The following APBB2 variants were observed in gnomAD, a reference collection of about 807,000 sequenced individuals.
APBB2 encodes amyloid beta precursor protein binding family B member 2.
In APBB2, 38 loss-of-function variants were observed where a neutral mutation model predicts 82.5. The ratio of observed to expected loss-of-function variants is 0.46; its 90% CI spans 0.36 to 0.60. The LOEUF (loss-of-function observed/expected upper bound fraction) is 0.60. APBB2 is among the 20% of genes least tolerant of loss of function. The probability of loss-of-function intolerance (pLI) is 0.00; values close to 1 mark genes in which losing one functional copy is unlikely to be tolerated. For synonymous variants in APBB2, 341 were observed against 368.2 expected, an observed-to-expected ratio of 0.93 and a Z score of 0.85; for missense variants, 772 against 972.3, an observed-to-expected ratio of 0.79 and a Z score of 2.74.
Position 41,158,937 on chromosome 4 carries a change from T to A in APBB2, c.-416-15795A>T, listed in dbSNP as rs536898003. ...GGTGTGTCTGCCTCCTGCACCACCCTGCCTCCTAGTCTATGACCTGGGCTC... is the reference window on the plus strand; with the variant it reads ...GGTGTGTCTGCCTCCTGCACCACCCAGCCTCCTAGTCTATGACCTGGGCTC... On this transcript the variant is annotated intron_variant, in intron 1 of 17. Transcript: ENST00000508593. Among the ~76,000 whole-genome samples the A allele has an allele frequency of 2.0e-5, 3 of 152,274 alleles. No individual in the cohort carries two copies. The South Asian group carries it at 6.2e-4, about 32-fold the overall frequency.
At chr4:41,083,374 T>C (rs1186200922) in intron 3 of APBB2, among the ~76,000 whole-genome samples, 1 of 152,060 alleles carries the variant, frequency 6.6e-6, no homozygotes, top group South Asian at 2.1e-4. Context: ...GTCATTTTTT[T>C]CCACTCTAAA....
intron 1 of APBB2, among the ~76,000 whole-genome samples, chr4:41,208,143 T>C (rs1778414422): frequency 6.6e-6 from 1 of 152,236 alleles, no homozygotes; most frequent in Admixed American, 6.5e-5. Context: ...CCTCCAGTAA[T>C]GCCAGGCCTT....
rs189895811 is a variant in APBB2, at chr4:40,898,846, C to A, written c.1255-5435G>T. Among the ~76,000 whole-genome samples the A allele has an allele frequency of 1.9e-3, 151 of 79,328 alleles. 3 individuals carry two copies. In the Admixed American group the frequency reaches 0.023, roughly 12 times the overall value. 52.0% of individuals were successfully genotyped at this position (79,328 alleles called of 152,430 possible). On this transcript the variant is annotated intron_variant, in intron 10 of 17. Transcript: ENST00000508593. ...AAAAAAAAGAAAGAAAAAAGAAACA[C>A]ACACACACTCACACACACACACACA... is the stretch of plus-strand genomic sequence containing the variant.
At chr4:41,182,949 C>T (rs899515179) in intron 1 of APBB2, among the ~76,000 whole-genome samples, 11 of 152,156 alleles carry the variant, frequency 7.2e-5, no homozygotes, top group Non-Finnish European at 1.5e-5. Flanking sequence ...CAAAGCCTAA[C>T]CATACCAATG....
chr4:41,092,407 G>T (rs1742034297), intron 3 of APBB2, among the ~76,000 whole-genome samples: 1 of 152,168 alleles, frequency 6.6e-6, no homozygotes, highest in Admixed American at 6.5e-5. Context: ...TGTCAAGAAT[G>T]CAGGAGCCAA....
At chr4:40,853,917 G>A (rs985063945) in intron 12 of APBB2, among the ~76,000 whole-genome samples, 1 of 152,078 alleles carries the variant, frequency 6.6e-6, no homozygotes, top group African/African-American at 2.4e-5. Context: ...CAAGACACTC[G>A]GCATAACCTG....
chr4:40,965,981 G>C (rs1049881220), intron 6 of APBB2, among the ~76,000 whole-genome samples: 3 of 152,132 alleles, frequency 2.0e-5, no homozygotes, highest in South Asian at 4.1e-4. Flanking sequence ...AATTAATGCT[G>C]TTCTTTAGAA....
intron 1 of APBB2, among the ~76,000 whole-genome samples, chr4:41,177,988 T>C (rs1361264109): frequency 1.3e-5 from 2 of 152,188 alleles, no homozygotes; most frequent in African/African-American, 4.8e-5. Flanking sequence ...AGATTACAGA[T>C]GCTCAACCTG....
chr4:41,011,147 TG>T (rs997184457), intron 6 of APBB2, among the ~76,000 whole-genome samples: 43 of 150,208 alleles, frequency 2.9e-4, no homozygotes, highest in African/African-American at 7.7e-4. Context: ...TGATTATTAT[TG>T]TTTTTTTTTT....
chr4:41,027,615 T>C (rs752894124), intron 5 of APBB2, among the ~76,000 whole-genome samples: 2 of 152,110 alleles, frequency 1.3e-5, no homozygotes, highest in Non-Finnish European at 2.9e-5. Context: ...TCCAGTTCCT[T>C]TTATTATAAA....
At chr4:41,050,428 C>T (rs1725508115) in intron 4 of APBB2, among the ~76,000 whole-genome samples, 1 of 152,222 alleles carries the variant, frequency 6.6e-6, no homozygotes, top group African/African-American at 2.4e-5. Context: ...GGACATTCTG[C>T]TGGTGACTGA....
intron 10 of APBB2, among the ~76,000 whole-genome samples, chr4:40,933,670 G>T (rs1406056558): frequency 6.6e-6 from 1 of 152,204 alleles, no homozygotes; most frequent in East Asian, 1.9e-4. Context: ...AGGGAGATAG[G>T]GAGGTCTGGC....
intron 6 of APBB2, among the ~76,000 whole-genome samples, chr4:41,002,583 C>G (rs759778931): frequency 2.0e-5 from 3 of 152,196 alleles, no homozygotes; most frequent in Non-Finnish European, 4.4e-5. Context: ...ATGCCTTGAG[C>G]TGGAGGGGAC....
At chr4:41,090,641 G>A (rs1384089541) in intron 3 of APBB2, among the ~76,000 whole-genome samples, 1 of 152,176 alleles carries the variant, frequency 6.6e-6, no homozygotes. Flanking sequence ...TCCTTTATTA[G>A]TAGGGTGGTT....
At chr4:41,137,463 T>C (rs1409574257) in intron 2 of APBB2, among the ~76,000 whole-genome samples, 1 of 152,208 alleles carries the variant, frequency 6.6e-6, no homozygotes, top group Admixed American at 6.5e-5. Flanking sequence ...ATATTAGATT[T>C]CCATAATTAC....
chr4:40,898,457 G>A (rs1029974579), intron 10 of APBB2, among the ~76,000 whole-genome samples: 1 of 152,070 alleles, frequency 6.6e-6, no homozygotes, highest in African/African-American at 2.4e-5. Context: ...TAGAGACGGG[G>A]TTTCACCATG....
Position 41,146,323 on chromosome 4 carries a change from CAAAAAAAA to C in APBB2, c.-416-3189_-416-3182del, listed in dbSNP as rs35546477. Among the ~76,000 whole-genome samples, 6 of 58,354 alleles carry C rather than the reference CAAAAAAAA, an allele frequency of 1.0e-4. No individual in the cohort carries two copies. In the South Asian group the frequency reaches 2.2e-3, roughly 22 times the overall value. 38.3% of individuals were successfully genotyped at this position (58,354 alleles called of 152,430 possible). A position where few individuals can be genotyped will look rare whatever the true frequency, so the allele number is the denominator to read the frequency against. On this transcript the variant is annotated intron_variant, in intron 1 of 17. Coordinates refer to ENST00000508593, the MANE Select transcript of APBB2 (RefSeq NM_004307.2). ...CCTGGGCAACAGAGTAAGACTGTCT[CAAAAAAAA>C]AAAAAAAAAAAAAAAAACCCGGGCA...
intron 12 of APBB2, among the ~76,000 whole-genome samples, chr4:40,875,409 T>G (rs940013224): frequency 6.6e-5 from 10 of 152,198 alleles, no homozygotes; most frequent in African/African-American, 2.4e-4. Context: ...AGAAATACAA[T>G]GCAAGCCACA....
intron 12 of APBB2, among the ~76,000 whole-genome samples, chr4:40,833,344 C>T (rs1041137436): frequency 6.6e-6 from 1 of 152,158 alleles, no homozygotes; most frequent in Non-Finnish European, 1.5e-5. Flanking sequence ...CACGGCACTC[C>T]CCGCTGCTCC....
Sources: gnomAD v4.1 joint callset for allele counts (sites outside exome capture counted in the v4.1 genomes callset) on GRCh38, gnomAD v4.1.1 for gene constraint, MANE v1.5 for transcripts, NCBI Gene and HGNC (gene_info 2026-07-23, HGNC 2026-07-21) for gene names.